Variants in CTBP2 observed in about 807,000 individuals in gnomAD.
The protein encoded by CTBP2 is C-terminal-binding protein 2.
CTBP2 carries 30 observed loss-of-function variants against 80.3 expected under a neutral mutation model. The observed-to-expected ratio is 0.37, with a 90% CI of 0.28 to 0.51. CTBP2 has a LOEUF of 0.51. CTBP2 is among the 20% of genes least tolerant of loss of function. The pLI is 0.93. For synonymous variants in CTBP2, 594 were observed against 587.4 expected (o/e 1.01, Z -0.16); for missense variants, 1,212 against 1,375.3 (o/e 0.88, Z 1.88).
chr10:125,010,124 G>A (rs1955701348), intron 1 of CTBP2, among the ~76,000 whole-genome samples: 1 of 151,224 alleles, frequency 6.6e-6, no homozygotes, highest in South Asian at 2.1e-4. Flanking sequence ...AGGACCACAG[G>A]AGCAGGGTGC....
In CTBP2 at chr10:125,040,454, T is replaced by TAAAAA. The variant is rs747855375; in HGVS notation, c.-101-1304_-101-1300dup. Among the ~76,000 whole-genome samples the TAAAAA allele has an allele frequency of 8.4e-4, 88 of 104,438 alleles. 1 individual carries two copies. Among genetic ancestry groups the TAAAAA allele is most frequent in the African/African-American group, 3.1e-3 (78 of 25,128 alleles). 68.5% of individuals were successfully genotyped at this position (104,438 alleles called of 152,430 possible). ...TGGTGACAGAGCAAGACTCTGTCTT[T>TAAAAA]AAAAAAAAAAAAAAAAAAAAAAAGG... On this transcript the variant is annotated intron_variant, in intron 2 of 10. Coordinates refer to the CTBP2 transcript ENST00000337195.
At chr10:125,113,941 C>A (rs1852730930) in intron 1 of CTBP2, among the ~76,000 whole-genome samples, 1 of 152,180 alleles carries the variant, frequency 6.6e-6, no homozygotes, top group African/African-American at 2.4e-5. Flanking sequence ...AATTTTAAAG[C>A]AAGTGCTCGT....
At chr10:125,139,820 A>G (rs111447798) in intron 1 of CTBP2, among the ~76,000 whole-genome samples, 5,525 of 152,054 alleles carry the variant, frequency 0.036, 299 homozygotes, top group African/African-American at 0.12. Flanking sequence ...TAGAACTGCG[A>G]CCCTACTGTG....
intron 1 of CTBP2, among the ~76,000 whole-genome samples, chr10:125,136,149 T>G (rs962588019): frequency 6.6e-5 from 10 of 152,138 alleles, no homozygotes; most frequent in Admixed American, 5.2e-4. Context: ...CAGGTGATTC[T>G]CAGATCCAGA....
At chr10:125,072,634 GA>G (rs55742060) in intron 2 of CTBP2, among the ~76,000 whole-genome samples, 12,632 of 100,136 alleles carry the variant, frequency 0.13, 904 homozygotes, top group African/African-American at 0.29. Context: ...AAAAAGAAAA[GA>G]AAAAAAAAAA....
intron 2 of CTBP2, among the ~76,000 whole-genome samples, chr10:125,052,666 T>C (rs1242004697): frequency 6.6e-6 from 1 of 152,146 alleles, no homozygotes; most frequent in African/African-American, 2.4e-5. Flanking sequence ...AGCAAACGGA[T>C]GGTGATTGTG....
chr10:125,048,412 A>C (rs1009530664), intron 2 of CTBP2, among the ~76,000 whole-genome samples: 1 of 152,188 alleles, frequency 6.6e-6, no homozygotes, highest in Non-Finnish European at 1.5e-5. Context: ...GAGATGCTGC[A>C]TTTCCCCGAA....
intron 2 of CTBP2, among the ~76,000 whole-genome samples, chr10:125,055,620 G>A (rs922075402): frequency 2.0e-5 from 3 of 152,042 alleles, no homozygotes; most frequent in Non-Finnish European, 2.9e-5. Flanking sequence ...TGCAAAACAC[G>A]GCTACGTCTC....
chr10:125,159,482 C>G (rs1861562841), intron 1 of CTBP2, among the ~76,000 whole-genome samples: 1 of 146,962 alleles, frequency 6.8e-6, no homozygotes, highest in Non-Finnish European at 1.5e-5. Context: ...CGGGCCGAGC[C>G]CCGCGCGGCA....
In CTBP2 at chr10:125,060,875, G is replaced by A. The variant is rs913231852; in HGVS notation, c.-101-21720C>T. On this transcript the variant is annotated intron_variant, in intron 2 of 10. Coordinates refer to the CTBP2 transcript ENST00000337195. ...CAGCTGGAGACCCCTCTTGACCCGC[G>A]GGGGCTGGTGTGCTAAGGTGCAAAG... Among the ~76,000 whole-genome samples the A allele has an allele frequency of 5.9e-5, 9 of 152,188 alleles. 1 individual carries two copies. Among genetic ancestry groups the A allele is most frequent in the South Asian group, 4.1e-4 (2 of 4,824 alleles).
intron 3 of CTBP2, among the ~76,000 whole-genome samples, chr10:125,036,641 A>G (rs1371953297): frequency 1.3e-5 from 2 of 151,870 alleles, no homozygotes; most frequent in Non-Finnish European, 2.9e-5. Context: ...TAGAATAGAA[A>G]CATGGTGAGA....
intron 1 of CTBP2, among the ~76,000 whole-genome samples, chr10:125,145,852 C>A (rs1425349941): frequency 6.6e-6 from 1 of 152,166 alleles, no homozygotes; most frequent in Admixed American, 6.5e-5. Flanking sequence ...AGCTGAGATG[C>A]CCTTGCATTC....
intron 1 of CTBP2, among the ~76,000 whole-genome samples, chr10:125,127,747 G>A (rs1225015852): frequency 6.6e-6 from 1 of 152,166 alleles, no homozygotes; most frequent in Admixed American, 6.5e-5. Flanking sequence ...GCACCTCCCT[G>A]TGGCAAGCTG....
At chr10:125,057,903 C>T (rs190338176) in intron 2 of CTBP2, among the ~76,000 whole-genome samples, 1 of 152,108 alleles carries the variant, frequency 6.6e-6, no homozygotes, top group East Asian at 1.9e-4. Context: ...GGGTCCTGGC[C>T]GTCCCACTTC....
intron 2 of CTBP2, among the ~76,000 whole-genome samples, chr10:125,041,521 C>A (rs1338680031): frequency 2.5e-5 from 3 of 121,834 alleles, no homozygotes; most frequent in South Asian, 3.1e-4. Flanking sequence ...CCCCCCCCAC[C>A]CACAAGTGAC....
chr10:125,072,140 C>T (rs1845581779), intron 2 of CTBP2, among the ~76,000 whole-genome samples: 1 of 152,140 alleles, frequency 6.6e-6, no homozygotes, highest in Admixed American at 6.5e-5. Flanking sequence ...GGTGAAACCC[C>T]ATCTCTACTA....
intron 2 of CTBP2, among the ~76,000 whole-genome samples, chr10:125,053,431 C>G (rs560264174): frequency 1.3e-5 from 2 of 152,314 alleles, no homozygotes; most frequent in African/African-American, 4.8e-5. Context: ...CTCCTGGCAT[C>G]CCCCAACACA....
intron 1 of CTBP2, among the ~76,000 whole-genome samples, chr10:125,004,694 C>T (rs555218408): frequency 6.6e-6 from 1 of 152,320 alleles, no homozygotes; most frequent in East Asian, 1.9e-4. Flanking sequence ...ACCCTGACGG[C>T]GGCCTTACAT....
upstream of CTBP2, among the ~76,000 whole-genome samples, chr10:125,031,549 C>T (rs918358421): frequency 4.6e-5 from 7 of 151,716 alleles, no homozygotes; most frequent in Non-Finnish European, 7.4e-5. Context: ...CCCCTGCCCC[C>T]GAACGTCCTC....
Sources: allele counts gnomAD v4.1 joint callset (sites outside exome capture counted in the v4.1 genomes callset), GRCh38; gene constraint gnomAD v4.1.1; transcripts MANE v1.5; gene names NCBI Gene and HGNC (gene_info 2026-07-23, HGNC 2026-07-21).